Variants in DAPP1 observed in about 807,000 individuals in gnomAD.
DAPP1 encodes the protein dual adaptor of phosphotyrosine and 3-phosphoinositides 1, also known as dual adapter for phosphotyrosine and 3-phosphotyrosine and 3-phosphoinositide.
Under a neutral mutation model 41.5 loss-of-function variants are expected in DAPP1, and 20 were observed. The observed-to-expected ratio is 0.48, with a 90% CI of 0.34 to 0.70. The LOEUF (loss-of-function observed/expected upper bound fraction) is 0.70. Among genes scored for constraint, DAPP1 ranks in the 30% least tolerant of loss-of-function variants. The pLI is 0.01. For missense variants in DAPP1, 233 were observed against 333.4 expected (o/e 0.70, Z 2.35); for synonymous variants, 113 against 116.2 (o/e 0.97, Z 0.18).
intron 3 of DAPP1, among the ~76,000 whole-genome samples, chr4:99,845,325 A>G (rs976819626): frequency 2.0e-5 from 3 of 152,064 alleles, no homozygotes; most frequent in Non-Finnish European, 4.4e-5. Flanking sequence ...CATTGTTGCC[A>G]TGGTACAGTG....
At chr4:99,829,529 G>A (rs1723050759) in intron 1 of DAPP1, among the ~76,000 whole-genome samples, 1 of 152,032 alleles carries the variant, frequency 6.6e-6, no homozygotes, top group Admixed American at 6.5e-5. Flanking sequence ...TAGTCACCTT[G>A]ATGGATGAGA....
At chr4:99,866,491 T>C in intron 8 of DAPP1, 1 of 760,418 alleles carries the variant, frequency 1.3e-6, no homozygotes. Flanking sequence ...CCTTTTAAAT[T>C]GTTAGAGAAG....
chr4:99,832,951 C>T (rs3756086), intron 1 of DAPP1, among the ~76,000 whole-genome samples: 65,220 of 151,840 alleles, frequency 0.43, 14,683 homozygotes, highest in African/African-American at 0.56. Context: ...CTTCCAATTC[C>T]ATTGAAAAGA....
intron 4 of DAPP1, among the ~76,000 whole-genome samples, chr4:99,854,690 G>T (rs978786298): frequency 6.6e-6 from 1 of 152,242 alleles, no homozygotes; most frequent in African/African-American, 2.4e-5. Flanking sequence ...CATCTGAAAT[G>T]CTGCCAACAC....
intron 3 of DAPP1, among the ~76,000 whole-genome samples, chr4:99,843,100 T>A (rs1306098168): frequency 6.6e-6 from 1 of 152,236 alleles, no homozygotes; most frequent in Non-Finnish European, 1.5e-5. Flanking sequence ...TTCAGGCCAC[T>A]GCTCTCAGCC....
At chr4:99,862,927 TA>T in intron 5 of DAPP1, 82 bp from the exon 6 acceptor site, 1 of 1,004,630 alleles carries the variant, frequency 1.0e-6, no homozygotes, top group Non-Finnish European at 1.4e-6. Context: ...AAAATGAAAG[TA>T]AATCATCTGG....
In DAPP1 at chr4:99,853,343, C is replaced by T; in HGVS notation, c.484C>T (p.Pro162Ser). 1.2e-6 allele frequency: 2 copies of T among 1,607,776 alleles called. No homozygotes were observed. The highest frequency in any genetic ancestry group is 2.2e-5 in the South Asian group (2 of 89,978). Reference sequence around the variant, plus strand: ...AGAAGATGACCTTGTGCCCACAGCACCTTCTGTAAGTGACCTTCAACGTGA... The same window carrying T: ...AGAAGATGACCTTGTGCCCACAGCATCTTCTGTAAGTGACCTTCAACGTGA... Reference protein sequence around the residue: ...RTEDDLVPTAPSLGTKEGYLT... With the variant: ...RTEDDLVPTASSLGTKEGYLT... Residue 162 changes from proline (P) to serine (S), a missense_variant, in exon 4 of 9, where the codon CCT becomes TCT. By Grantham distance (74) the Pro-to-Ser change is moderately conservative. Transcript: ENST00000512369.
At chr4:99,870,617 G>A (rs1033153778), downstream of DAPP1, among the ~76,000 whole-genome samples, 2 of 152,208 alleles carry the variant, frequency 1.3e-5, no homozygotes, top group Admixed American at 1.3e-4. Context: ...ATTTCTCCAA[G>A]TCCAGAGAGA....
At chr4:99,862,466 G>C (rs1299170285) in intron 5 of DAPP1, among the ~76,000 whole-genome samples, 1 of 152,118 alleles carries the variant, frequency 6.6e-6, no homozygotes, top group Non-Finnish European at 1.5e-5. Context: ...ATGTGAGTCA[G>C]GGTTCCTAAA....
intron 3 of DAPP1, among the ~76,000 whole-genome samples, chr4:99,851,405 G>A (rs1392832533): frequency 6.6e-6 from 1 of 152,068 alleles, no homozygotes; most frequent in Non-Finnish European, 1.5e-5. Context: ...CCCTCTTCTG[G>A]CTTTTCTCAA....
At position 99,818,045 on chromosome 4, in the gene DAPP1, T is replaced by C. The variant is rs1485498769; in HGVS notation, c.101+1031T>C. On this transcript the variant is annotated intron_variant, in intron 1 of 8. Coordinates refer to ENST00000512369, the MANE Select transcript of DAPP1 (RefSeq NM_014395.3). ...AAAACCAAAATAGAGTTGAAATCTC[T>C]CTGTGTTAAGGCTGCAGAGATTGTA... Among the ~76,000 whole-genome samples, 3 of 152,230 alleles carry C rather than the reference T, an allele frequency of 2.0e-5. No individual in the cohort carries two copies. The East Asian group carries it at 5.8e-4, about 29-fold the overall frequency.
chr4:99,862,996 TG>T lies in DAPP1; in HGVS notation c.538-13del. On this transcript the variant is annotated splice_polypyrimidine_tract_variant and intron_variant, in intron 5 of 8. Coordinates refer to ENST00000512369, the MANE Select transcript of DAPP1 (RefSeq NM_014395.3). ...GTGTGTCTGTGTGTTTGTGTGTGTG[TG>T]TGTTTTTCTCAGACCTGGAAAACAA... The T allele has an allele frequency of 6.3e-7, 1 of 1,581,244 alleles. No homozygotes were observed. The highest frequency in any genetic ancestry group is 1.7e-4 in the Middle Eastern group (1 of 6,002).
chr4:99,828,146 T>G (rs1238603006), intron 1 of DAPP1, among the ~76,000 whole-genome samples: 1 of 152,212 alleles, frequency 6.6e-6, no homozygotes, highest in Non-Finnish European at 1.5e-5. Flanking sequence ...ATTCAAACAC[T>G]GTTGTTGTGC....
At chr4:99,863,321 G>A (rs1724307277) in intron 6 of DAPP1, among the ~76,000 whole-genome samples, 1 of 152,084 alleles carries the variant, frequency 6.6e-6, no homozygotes, top group African/African-American at 2.4e-5. Flanking sequence ...CTCTGTTTAG[G>A]ACAATGTAAT....
chr4:99,842,860 T>TC (rs914932062), intron 3 of DAPP1, among the ~76,000 whole-genome samples: 2 of 148,630 alleles, frequency 1.3e-5, no homozygotes, highest in African/African-American at 5.2e-5. Context: ...TTCTTTTTTT[T>TC]TTTTTTTTTG....
At chr4:99,831,009 C>T (rs1723102880) in intron 1 of DAPP1, among the ~76,000 whole-genome samples, 1 of 152,096 alleles carries the variant, frequency 6.6e-6, no homozygotes, top group African/African-American at 2.4e-5. Flanking sequence ...TTAGAAAAAT[C>T]TGATCAAGCT....
intron 1 of DAPP1, among the ~76,000 whole-genome samples, chr4:99,820,480 T>C (rs568625211): frequency 1.3e-4 from 20 of 152,348 alleles, no homozygotes; most frequent in African/African-American, 4.1e-4. Context: ...CAGTTGTAAC[T>C]CCAAGTGAGA....
Position 99,870,113 on chromosome 4 carries a change from G to A in DAPP1, c.*1928G>A, listed in dbSNP as rs1724598093. 1 of 151,892 alleles carries A rather than the reference G, an allele frequency of 6.6e-6. No homozygotes were observed. The highest frequency in any genetic ancestry group is 1.5e-5 in the Non-Finnish European group (1 of 67,966). 9.4% of individuals were successfully genotyped at this position (151,892 alleles called of 1,614,324 possible). A position where few individuals can be genotyped will look rare whatever the true frequency, so the allele number is the denominator to read the frequency against. On this transcript the variant is annotated 3_prime_UTR_variant, in exon 9 of 9. Transcript: ENST00000512369. ...CTGTTTATTTATATTCTTTGGCTTT[G>A]TTTATTAAAAAGCATGATTTTGCTG...
chr4:99,856,745 G>A (rs927471793), intron 4 of DAPP1, among the ~76,000 whole-genome samples: 2 of 152,248 alleles, frequency 1.3e-5, no homozygotes, highest in Non-Finnish European at 2.9e-5. Context: ...CTGGGTAAGC[G>A]TTGAAAAATA....
Sources: allele counts gnomAD v4.1 joint callset (sites outside exome capture counted in the v4.1 genomes callset), GRCh38; gene constraint gnomAD v4.1.1; transcripts MANE v1.5; gene names NCBI Gene and HGNC (gene_info 2026-07-23, HGNC 2026-07-21).